Variants in PCDHGA10 observed in about 807,000 individuals in gnomAD.
The protein encoded by PCDHGA10 is protocadherin gamma subfamily A, 10, also known as protocadherin gamma-A10.
Under a neutral mutation model 59.5 loss-of-function variants are expected in PCDHGA10, and 42 were observed. The ratio of observed to expected loss-of-function variants is 0.71; its 90% CI spans 0.55 to 0.91. PCDHGA10 has a LOEUF of 0.91. Among genes scored for constraint, PCDHGA10 ranks in the 40% least tolerant of loss-of-function variants. The pLI, the probability that PCDHGA10 is intolerant of heterozygous loss-of-function variation, is 0.00. For synonymous variants in PCDHGA10, 511 were observed against 517.2 expected (o/e 0.99, Z 0.16); for missense variants, 1,111 against 1,198.2 (o/e 0.93, Z 1.07).
At chr5:141,469,951 T>G (rs1467717372) in intron 1 of PCDHGA10, among the ~76,000 whole-genome samples, 2 of 152,034 alleles carry the variant, frequency 1.3e-5, no homozygotes, top group African/African-American at 4.8e-5. Context: ...GCCAGCATGG[T>G]GAAACCCCAT....
intron 1 of PCDHGA10, among the ~76,000 whole-genome samples, chr5:141,494,188 T>G (rs2099752632): frequency 6.6e-6 from 1 of 152,186 alleles, no homozygotes; most frequent in Non-Finnish European, 1.5e-5. Flanking sequence ...GTCCCGGGAC[T>G]TGGATGCCCC....
At chr5:141,503,679 G>A (rs562303239) in intron 2 of PCDHGA10, among the ~76,000 whole-genome samples, 1 of 152,054 alleles carries the variant, frequency 6.6e-6, no homozygotes, top group East Asian at 1.9e-4. Context: ...CCACTTTTGG[G>A]AAGGAGAATT....
chr5:141,438,627 TATATATATACAC>T (rs1324653166), intron 1 of PCDHGA10, among the ~76,000 whole-genome samples: 191 of 47,978 alleles, frequency 4.0e-3, no homozygotes, highest in African/African-American at 0.016. Flanking sequence ...TATATATATA[TATATATATACAC>T]ACACACACAC....
intron 3 of PCDHGA10, 111 bp from the exon 4 acceptor site, chr5:141,510,836 G>C: frequency 6.3e-7 from 1 of 1,584,882 alleles, no homozygotes; most frequent in African/African-American, 1.3e-5. Flanking sequence ...TGCTCAGCGT[G>C]GTCAAGGCCC....
chr5:141,494,449 G>A (rs185095384), intron 1 of PCDHGA10, among the ~76,000 whole-genome samples: 2 of 152,254 alleles, frequency 1.3e-5, no homozygotes, highest in East Asian at 3.9e-4. Flanking sequence ...CACTTTAGGG[G>A]GCTTTGTCTG....
intron 1 of PCDHGA10, chr5:141,478,480 G>T: frequency 2.5e-6 from 4 of 1,613,564 alleles, no homozygotes; most frequent in Non-Finnish European, 3.4e-6. Flanking sequence ...GCCAGAACAC[G>T]CTGCGGAGCT....
chr5:141,440,693 C>T (rs2098194597), intron 1 of PCDHGA10: 1 of 152,136 alleles, frequency 6.6e-6, no homozygotes, highest in Non-Finnish European at 1.5e-5. Context: ...GTAAAAGTGA[C>T]CAACAGTGGA....
chr5:141,491,850 T>C lies in PCDHGA10; in HGVS notation c.2437-2957T>C. ...CCCGATTCTCGGGATCATTGGACCG[T>C]TTGCGCGAAACCAGAGTGGCCGATT... On this transcript the variant is annotated intron_variant, in intron 1 of 3. Transcript: ENST00000398610. The surrounding 1 kb of genome is among the most constrained non-coding windows in gnomAD (Gnocchi z 6.9). 6.8e-7 allele frequency: 1 copy of C among 1,460,996 alleles called. No homozygotes were observed. The highest frequency in any genetic ancestry group is 2.5e-5 in the East Asian group (1 of 40,084). The allele number at this position is 1,460,996 out of a possible 1,614,324, so 90.5% of individuals were successfully genotyped here.
In PCDHGA10 at chr5:141,491,893, G is replaced by A; in HGVS notation, c.2437-2914G>A. The stretch of plus-strand genomic sequence containing the variant: ...GGCCGATTAAGGGATGGGGCTCCGA[G>A]CACCGGGGGTGGTGGCGACTGTGGG... On this transcript the variant is annotated intron_variant, in intron 1 of 3. Transcript: ENST00000398610. This position sits in a 1 kb window ranked among gnomAD's most constrained non-coding sequence, Gnocchi z 6.9. 9 of 1,438,856 alleles carry A rather than the reference G, an allele frequency of 6.3e-6. No individual in the cohort carries two copies. Among genetic ancestry groups the A allele is most frequent in the Non-Finnish European group, 8.3e-6 (9 of 1,088,104 alleles). 89.1% of individuals were successfully genotyped at this position (1,438,856 alleles called of 1,614,324 possible). A position where few individuals can be genotyped will look rare whatever the true frequency, so the allele number is the denominator to read the frequency against.
In PCDHGA10 at chr5:141,470,146, A is replaced by G. The variant is rs181633492; in HGVS notation, c.2437-24661A>G. On this transcript the variant is annotated intron_variant, in intron 1 of 3. Coordinates refer to ENST00000398610, the MANE Select transcript of PCDHGA10 (RefSeq NM_018913.3). ...TTCGTCTCAAAAAAAAAGATCATAG[A>G]TCATCTTATCAAATCAAAGTATGCA... Among the ~76,000 whole-genome samples, 102 of 152,308 alleles carry G rather than the reference A, an allele frequency of 6.7e-4. 2 individuals carry two copies. Among genetic ancestry groups the G allele is most frequent in the African/African-American group, 2.4e-3 (99 of 41,558 alleles).
At chr5:141,465,488 G>A (rs2099104080) in intron 1 of PCDHGA10, among the ~76,000 whole-genome samples, 1 of 152,224 alleles carries the variant, frequency 6.6e-6, no homozygotes. Flanking sequence ...AGAGGAATGA[G>A]CGGGAGCATT....
chr5:141,508,867 G>A (rs2099872497), intron 3 of PCDHGA10, among the ~76,000 whole-genome samples: 1 of 152,108 alleles, frequency 6.6e-6, no homozygotes. Flanking sequence ...GGGAAAGGCT[G>A]AAGAGGCTGA....
At position 141,490,745 on chromosome 5, in the gene PCDHGA10, C is replaced by A. The variant is rs769031787; in HGVS notation, c.2437-4062C>A. 1 of 1,614,238 alleles carries A rather than the reference C, an allele frequency of 6.2e-7. No homozygotes were observed. Among genetic ancestry groups the A allele is most frequent in the Non-Finnish European group, 8.5e-7 (1 of 1,180,042 alleles). ...GTAGGAAATCAGGTTCAGGGAGCCCCAGCCTCCTCCTTTGTGTATGTCAAC... is the reference window on the plus strand; with the variant it reads ...GTAGGAAATCAGGTTCAGGGAGCCCAAGCCTCCTCCTTTGTGTATGTCAAC... On this transcript the variant is annotated intron_variant, in intron 1 of 3. Transcript: ENST00000398610. The surrounding 1 kb of genome is among the most constrained non-coding windows in gnomAD (Gnocchi z 5.4).
In PCDHGA10 at chr5:141,415,177, G is replaced by A. The variant is rs758980730; in HGVS notation, c.2002G>A (p.Val668Met). ...LSATVTLTVA[V>M]ADSIPQVLAD... ...CGCCACTGTCACGCTCACCGTGGCC[G>A]TGGCCGACAGCATCCCCCAAGTCCT... The change falls in exon 1 of 4, where the codon GTG becomes ATG. Residue 668 changes from valine to methionine, a missense_variant. By Grantham distance (21) the Val-to-Met change is conservative. Transcript: ENST00000398610. 26 of 1,613,808 alleles carry A rather than the reference G, an allele frequency of 1.6e-5. No individual in the cohort carries two copies. Among genetic ancestry groups the A allele is most frequent in the East Asian group, 4.5e-5 (2 of 44,894 alleles).
At chr5:141,449,948 C>T (rs1294423807) in intron 1 of PCDHGA10, among the ~76,000 whole-genome samples, 1 of 151,034 alleles carries the variant, frequency 6.6e-6, no homozygotes, top group Non-Finnish European at 1.5e-5. Context: ...TTTTACTATA[C>T]CTCATAGTAA....
chr5:141,495,469 C>G (rs1398171981), intron 2 of PCDHGA10, among the ~76,000 whole-genome samples: 1 of 152,220 alleles, frequency 6.6e-6, no homozygotes, highest in Non-Finnish European at 1.5e-5. Flanking sequence ...TGTGGGGTCT[C>G]CGTGTCTCTG....
rs781173890 is a variant in PCDHGA10, at chr5:141,476,165, G to T, written c.2437-18642G>T. 5.3e-5 allele frequency: 86 copies of T among 1,613,106 alleles called. No individual in the cohort carries two copies. Among genetic ancestry groups the T allele is most frequent in the Non-Finnish European group, 7.2e-5 (85 of 1,179,976 alleles). On this transcript the variant is annotated intron_variant, in intron 1 of 3. Transcript: ENST00000398610. The surrounding 1 kb of genome is among the most constrained non-coding windows in gnomAD (Gnocchi z 7.6). ...CGGACTGGTAAGCACCGGGAGGGTA[G>T]TGGGAGTTTTGCTTCTGCTTGGTGC...
In PCDHGA10 at chr5:141,511,358, G is replaced by GT; in HGVS notation, c.*187dup. 1 of 1,355,398 alleles carries GT rather than the reference G, an allele frequency of 7.4e-7. No homozygotes were observed. Among genetic ancestry groups the GT allele is most frequent in the South Asian group, 1.5e-5 (1 of 66,198 alleles). 84.0% of individuals were successfully genotyped at this position (1,355,398 alleles called of 1,614,324 possible). On this transcript the variant is annotated 3_prime_UTR_variant, in exon 4 of 4. Transcript: ENST00000398610. ...GCACCTACCCCTTCCCCCCCAGGGG[G>GT]TTGAATATGCAAAAGCAGTTCCGCT...
intron 1 of PCDHGA10, among the ~76,000 whole-genome samples, chr5:141,461,644 A>C (rs1266858748): frequency 1.3e-5 from 2 of 151,868 alleles, no homozygotes; most frequent in Non-Finnish European, 2.9e-5. Flanking sequence ...TTCTTCTTTG[A>C]CCCATGGATT....
Sources: allele counts gnomAD v4.1 joint callset (sites outside exome capture counted in the v4.1 genomes callset), GRCh38; gene constraint gnomAD v4.1.1; non-coding constraint Gnocchi (gnomAD v3.1); transcripts MANE v1.5; gene names NCBI Gene and HGNC (gene_info 2026-07-23, HGNC 2026-07-21).